ZSWIM2: variants seen among roughly 807,000 people sequenced by gnomAD.
ZSWIM2 encodes the protein E3 ubiquitin-protein ligase ZSWIM2.
A neutral mutation model predicts 48.4 loss-of-function variants in ZSWIM2; 38 were observed. That is an observed-to-expected ratio of 0.79 (90% CI 0.61 to 1.03). The LOEUF is 1.03. ZSWIM2 is among the 50% of genes least tolerant of loss of function. The pLI, the probability that ZSWIM2 is intolerant of heterozygous loss-of-function variation, is 0.00. For missense variants in ZSWIM2, 776 were observed against 730.2 expected (o/e 1.06, Z -0.72); for synonymous variants, 240 against 251.3 (o/e 0.96, Z 0.42).
rs1333010458 is a variant in ZSWIM2 at position 186,839,091 on chromosome 2, G to C, written c.362C>G (p.Pro121Arg). 6.2e-7 allele frequency: 1 copy of C among 1,611,796 alleles called. No homozygotes were observed. Residue 121 changes from proline (P) to arginine (R), a missense_variant, in exon 4 of 9, where the codon CCA (proline) becomes CGA (arginine). Pro to Arg is a moderately radical substitution (Grantham distance 103). Coordinates refer to ENST00000295131, the MANE Select transcript of ZSWIM2 (RefSeq NM_182521.3). Reference sequence around the variant, plus strand: ...ATGTTCATTTTCGTCATTTGTTCCTGGTTGGGGAGTTTGAACTCGATGTAT... The same window carrying C: ...ATGTTCATTTTCGTCATTTGTTCCTCGTTGGGGAGTTTGAACTCGATGTAT... ...RGIHRVQTPQPGTNDENEHVE... is the reference protein window; with the variant it reads ...RGIHRVQTPQRGTNDENEHVE...
chr2:186,844,468 C>T (rs1046085839), intron 3 of ZSWIM2, among the ~76,000 whole-genome samples: 4 of 151,340 alleles, frequency 2.6e-5, no homozygotes, highest in Non-Finnish European at 4.4e-5. Flanking sequence ...TAATAACTGG[C>T]CATTGTTTCA....
At chr2:186,840,531 TAAAC>T (rs1691886351) in intron 3 of ZSWIM2, among the ~76,000 whole-genome samples, 1 of 151,576 alleles carries the variant, frequency 6.6e-6, no homozygotes, top group Admixed American at 6.6e-5. Context: ...CTCTAAATAA[TAAAC>T]ATTGTTAAAC....
At chr2:186,843,071 T>C (rs986459505) in intron 3 of ZSWIM2, among the ~76,000 whole-genome samples, 1 of 151,684 alleles carries the variant, frequency 6.6e-6, no homozygotes, top group African/African-American at 2.4e-5. Flanking sequence ...TGTACTGGCT[T>C]AAGTTAAAAT....
chr2:186,832,830 G>A (rs1691726943), intron 7 of ZSWIM2, among the ~76,000 whole-genome samples: 1 of 151,854 alleles, frequency 6.6e-6, no homozygotes, highest in Non-Finnish European at 1.5e-5. Flanking sequence ...ATTCCTACAA[G>A]GTTGGTTTTA....
intron 3 of ZSWIM2, among the ~76,000 whole-genome samples, chr2:186,839,683 G>A (rs541267622): frequency 1.6e-4 from 25 of 151,772 alleles, no homozygotes; most frequent in Non-Finnish European, 3.1e-4. Flanking sequence ...CTACAAAAGC[G>A]TGTCTCATTA....
At chr2:186,846,743 G>A (rs1210989844) in intron 2 of ZSWIM2, among the ~76,000 whole-genome samples, 1 of 150,318 alleles carries the variant, frequency 6.7e-6, no homozygotes, top group African/African-American at 2.5e-5. Context: ...ATCCATAATG[G>A]TGGGCATAAA....
intron 2 of ZSWIM2, among the ~76,000 whole-genome samples, chr2:186,845,735 ACT>A (rs1491512511): frequency 6.6e-6 from 1 of 151,530 alleles, no homozygotes; most frequent in Non-Finnish European, 1.5e-5. Flanking sequence ...AGCTTAAGGA[ACT>A]TTTTTTTCAT....
intron 7 of ZSWIM2, among the ~76,000 whole-genome samples, chr2:186,831,946 G>A (rs1328469540): frequency 5.9e-5 from 9 of 151,926 alleles, no homozygotes; most frequent in Non-Finnish European, 1.3e-4. Context: ...AATGGGTGCA[G>A]CACACCAACA....
intron 3 of ZSWIM2, among the ~76,000 whole-genome samples, chr2:186,840,965 T>C (rs1645778869): frequency 6.6e-6 from 1 of 151,524 alleles, no homozygotes; most frequent in African/African-American, 2.4e-5. Flanking sequence ...AAAACACAAA[T>C]AGTAAACAAG....
At chr2:186,832,140 A>C (rs559279075) in intron 7 of ZSWIM2, among the ~76,000 whole-genome samples, 19 of 149,360 alleles carry the variant, frequency 1.3e-4, no homozygotes, top group African/African-American at 4.2e-4. Flanking sequence ...TTTGAGATGG[A>C]GTCTCATTCT....
intron 1 of ZSWIM2, 119 bp from the exon 2 acceptor site, chr2:186,847,914 T>C: frequency 1.7e-6 from 1 of 587,440 alleles, no homozygotes; most frequent in South Asian, 2.6e-5. Context: ...AAAGGTTGAA[T>C]AGATTCTACT....
intron 7 of ZSWIM2, among the ~76,000 whole-genome samples, chr2:186,831,540 A>G (rs1691699602): frequency 2.0e-5 from 3 of 152,024 alleles, no homozygotes. Context: ...TACCCAAAGG[A>G]TTATAAATCA....
chr2:186,846,808 C>T (rs1427247188), intron 2 of ZSWIM2, among the ~76,000 whole-genome samples: 1,988 of 49,278 alleles, frequency 0.04, 87 homozygotes, highest in African/African-American at 0.11. Context: ...CACACACACA[C>T]ACATATATAT....
At chr2:186,837,641 T>A (rs1003005398) in intron 4 of ZSWIM2, 87 bp from the exon 5 acceptor site, 10 of 414,292 alleles carry the variant, frequency 2.4e-5, no homozygotes, top group Non-Finnish European at 3.3e-5. Flanking sequence ...ATATATATAT[T>A]TATATAAATA....
chr2:186,848,919 G>A, intron 1 of ZSWIM2, 47 bp downstream of exon 1: 1 of 1,610,314 alleles, frequency 6.2e-7, no homozygotes, highest in Non-Finnish European at 8.5e-7. Context: ...GGGGAACCTG[G>A]TGGGCGGGGA....
Position 186,844,708 on chromosome 2 carries a change from A to T in ZSWIM2, c.283+9T>A, listed in dbSNP as rs756233850. Reference sequence around the variant, plus strand: ...AAAAAACACAAAAAACCCAAACCCCAAAACTTACATTCATGGTTCCTTGGA... The same window carrying T: ...AAAAAACACAAAAAACCCAAACCCCTAAACTTACATTCATGGTTCCTTGGA... On this transcript the variant is annotated intron_variant, in intron 3 of 8. Transcript: ENST00000295131. The T allele has an allele frequency of 6.4e-7, 1 of 1,555,914 alleles. No homozygotes were observed. Among genetic ancestry groups the T allele is most frequent in the African/African-American group, 1.4e-5 (1 of 70,702 alleles).
Position 186,828,798 on chromosome 2 carries a change from A to T in ZSWIM2, c.1096-8T>A. On this transcript the variant is annotated splice_polypyrimidine_tract_variant and splice_region_variant and intron_variant, in intron 8 of 8. Coordinates refer to ENST00000295131, the MANE Select transcript of ZSWIM2 (RefSeq NM_182521.3). ...AATACACTTCCTGTGAAACTTTAAA[A>T]AAAAGGTAAGCTAATCAGAACTATA... The T allele has an allele frequency of 6.7e-7, 1 of 1,501,416 alleles. No homozygotes were observed. Among genetic ancestry groups the T allele is most frequent in the Non-Finnish European group, 8.9e-7 (1 of 1,123,700 alleles). The allele number at this position is 1,501,416 out of a possible 1,614,324, so 93.0% of individuals were successfully genotyped here. A position where few individuals can be genotyped will look rare whatever the true frequency, so the allele number is the denominator to read the frequency against.
chr2:186,840,098 A>G (rs1691877700), intron 3 of ZSWIM2, among the ~76,000 whole-genome samples: 1 of 151,654 alleles, frequency 6.6e-6, no homozygotes, highest in African/African-American at 2.4e-5. Context: ...ACATTTCAAT[A>G]CAGAAATCGC....
chr2:186,849,155 C>T lies in ZSWIM2; in HGVS notation c.-25G>A, dbSNP rs753171903. On this transcript the variant is annotated 5_prime_UTR_variant, in exon 1 of 9. Coordinates refer to ENST00000295131, the MANE Select transcript of ZSWIM2 (RefSeq NM_182521.3). Reference sequence around the variant, plus strand: ...TGCTGGGTGCGGGCGGAGGCGGCCCCTCTGCTCGGCTCACTGAGGCGCCAG... The same window carrying T: ...TGCTGGGTGCGGGCGGAGGCGGCCCTTCTGCTCGGCTCACTGAGGCGCCAG... 6.3e-7 allele frequency: 1 copy of T among 1,584,356 alleles called. No homozygotes were observed. The highest frequency in any genetic ancestry group is 8.6e-7 in the Non-Finnish European group (1 of 1,161,644).
Sources: gnomAD v4.1 joint callset for allele counts (sites outside exome capture counted in the v4.1 genomes callset) on GRCh38, gnomAD v4.1.1 for gene constraint, MANE v1.5 for transcripts, NCBI Gene and HGNC (gene_info 2026-07-23, HGNC 2026-07-21) for gene names.